Variants in HMX1 observed in about 807,000 individuals in gnomAD.
HMX1 encodes the protein H6 family homeobox 1, also known as homeobox protein HMX1.
In HMX1, 8 loss-of-function variants were observed where a neutral mutation model predicts 8.9. The observed-to-expected ratio is 0.90, with a 90% CI of 0.53 to 1.63. The LOEUF (loss-of-function observed/expected upper bound fraction) is 1.63, where lower values mean the gene tolerates loss of function less well. Ranked by LOEUF, HMX1 falls within the 40% of genes most tolerant of loss-of-function variation. The pLI, the probability that HMX1 is intolerant of heterozygous loss-of-function variation, is 0.00. For synonymous variants in HMX1, 311 were observed against 283.4 expected (o/e 1.10, Z -0.98); for missense variants, 621 against 558.5 (o/e 1.11, Z -1.13).
intron 1 of HMX1, among the ~76,000 whole-genome samples, chr4:8,857,009 AG>A (rs1258636603): frequency 6.6e-6 from 1 of 152,166 alleles, no homozygotes; most frequent in African/African-American, 2.4e-5. Context: ...ACTCGAGCCC[AG>A]GAAATGGAGG....
chr4:8,860,232 A>C (rs1178261571), intron 1 of HMX1, among the ~76,000 whole-genome samples: 1 of 152,024 alleles, frequency 6.6e-6, no homozygotes, highest in African/African-American at 2.4e-5. Flanking sequence ...CCTTTCCTAT[A>C]CCCGGGGCCA....
At chr4:8,860,388 C>T (rs1177565947) in intron 1 of HMX1, among the ~76,000 whole-genome samples, 3 of 152,232 alleles carry the variant, frequency 2.0e-5, no homozygotes, top group East Asian at 3.9e-4. Flanking sequence ...AAGCAATGCA[C>T]CCGCGCTCCC....
In HMX1 at chr4:8,871,468, G is replaced by GTCGTCCTCCTCC; in HGVS notation, c.135_146dup (p.Glu45_Asp48dup). The GTCGTCCTCCTCC allele has an allele frequency of 1.5e-6, 2 of 1,344,252 alleles. No homozygotes were observed. Among genetic ancestry groups the GTCGTCCTCCTCC allele is most frequent in the Non-Finnish European group, 1.9e-6 (2 of 1,038,038 alleles). 83.3% of individuals were successfully genotyped at this position (1,344,252 alleles called of 1,614,324 possible). A position where few individuals can be genotyped will look rare whatever the true frequency, so the allele number is the denominator to read the frequency against. The stretch of plus-strand genomic sequence containing the variant: ...CGGCGTCCTCGTCTTCGGGGTCGTC[G>GTCGTCCTCCTCC]TCGTCCTCCTCCTCGTCCTCCCGGC... On this transcript the variant is annotated inframe_insertion, in exon 1 of 2. Coordinates refer to ENST00000400677, the MANE Select transcript of HMX1 (RefSeq NM_018942.3). This position sits in a 1 kb window ranked among gnomAD's most constrained non-coding sequence, Gnocchi z 4.8.
chr4:8,867,214 G>C lies in HMX1; in HGVS notation c.*479C>G, dbSNP rs947361743. 2.0e-6 allele frequency: 2 copies of C among 985,844 alleles called. No individual in the cohort carries two copies. The highest frequency in any genetic ancestry group is 3.5e-5 in the African/African-American group (2 of 57,396). The allele number at this position is 985,844 out of a possible 1,614,324, so 61.1% of individuals were successfully genotyped here. ...CTTTCTCCACCAGCACCCGCGAGAG[G>C]GGTAGCACAGCCCTCCGGGCCGGCC... On this transcript the variant is annotated 3_prime_UTR_variant, in exon 2 of 2. Transcript: ENST00000400677.
In HMX1 at chr4:8,859,717, A is replaced by T. The variant is rs1177228975; in HGVS notation, c.394+11504T>A. Among the ~76,000 whole-genome samples the T allele has an allele frequency of 2.0e-5, 3 of 152,170 alleles. No individual in the cohort carries two copies. In the East Asian group the frequency reaches 5.8e-4, roughly 29 times the overall value. On this transcript the variant is annotated intron_variant, in intron 1 of 1. Coordinates refer to the HMX1 transcript ENST00000506970. Reference sequence around the variant, plus strand: ...TCTACACACGTGCGTGGTCTATGTGACGTGGAGTCGCACTGGGACCCGAAT... The same window carrying T: ...TCTACACACGTGCGTGGTCTATGTGTCGTGGAGTCGCACTGGGACCCGAAT...
chr4:8,846,138 C>A (rs1721267812), exon 2 of HMX1: 2 of 817,460 alleles, frequency 2.4e-6, no homozygotes, highest in South Asian at 1.6e-5. Flanking sequence ...GAACACTGCT[C>A]CACGCGGTCA....
chr4:8,861,966 G>A (rs987771076), intron 1 of HMX1, among the ~76,000 whole-genome samples: 3 of 152,244 alleles, frequency 2.0e-5, no homozygotes, highest in Admixed American at 6.5e-5. Context: ...GGTGACTCGG[G>A]CTGGGGAGCC....
chr4:8,860,931 A>G (rs1408488133), intron 1 of HMX1: 1 of 142,186 alleles, frequency 7.0e-6, no homozygotes, highest in Non-Finnish European at 1.5e-5. Flanking sequence ...TCCAGACGCC[A>G]GAGAGACGCC....
In HMX1 at chr4:8,853,683, C is replaced by A. The variant is rs1721524116; in HGVS notation, c.395-7359G>T. Among the ~76,000 whole-genome samples, 1 of 152,126 alleles carries A rather than the reference C, an allele frequency of 6.6e-6. No individual in the cohort carries two copies. Among genetic ancestry groups the A allele is most frequent in the Non-Finnish European group, 1.5e-5 (1 of 68,028 alleles). On this transcript the variant is annotated intron_variant, in intron 1 of 1. Coordinates refer to the HMX1 transcript ENST00000506970. The surrounding 1 kb of genome is among the most constrained non-coding windows in gnomAD (Gnocchi z 4.7). ...CCTGACCAATATGATGAAACCCCGT[C>A]TCTACTAAAAATACAGAAATTAGCT...
rs374011388 is a variant in HMX1 at position 8,849,407 on chromosome 4, C to T, written c.395-3083G>A. On this transcript the variant is annotated intron_variant, in intron 1 of 1. Transcript: ENST00000506970. This position sits in a 1 kb window ranked among gnomAD's most constrained non-coding sequence, Gnocchi z 6.6. Reference sequence around the variant, plus strand: ...TGAAGCCAAGGAGAAGGCGGGCACTCAGCTGGCACCACGTGGCCTTGAGCC... The same window carrying T: ...TGAAGCCAAGGAGAAGGCGGGCACTTAGCTGGCACCACGTGGCCTTGAGCC... Among the ~76,000 whole-genome samples the T allele has an allele frequency of 1.4e-4, 22 of 152,000 alleles. No individual in the cohort carries two copies. The highest frequency in any genetic ancestry group is 5.1e-4 in the African/African-American group (21 of 41,466).
At chr4:8,864,298 T>C (rs777787484), downstream of HMX1, among the ~76,000 whole-genome samples, 1 of 152,110 alleles carries the variant, frequency 6.6e-6, no homozygotes, top group Non-Finnish European at 1.5e-5. Context: ...GGGTCCAGTA[T>C]AGGCGTGTGT....
Position 8,871,145 on chromosome 4 carries a change from C to A in HMX1, c.394+76G>T. The A allele has an allele frequency of 7.9e-7, 1 of 1,266,288 alleles. No individual in the cohort carries two copies. Among genetic ancestry groups the A allele is most frequent in the Non-Finnish European group, 1.0e-6 (1 of 996,174 alleles). 78.4% of individuals were successfully genotyped at this position (1,266,288 alleles called of 1,614,324 possible). On this transcript the variant is annotated intron_variant, in intron 1 of 1. Coordinates refer to ENST00000400677, the MANE Select transcript of HMX1 (RefSeq NM_018942.3). The surrounding 1 kb of genome is among the most constrained non-coding windows in gnomAD (Gnocchi z 4.8). ...GGCCCAGAACGGGCGGCGACGAGCC[C>A]GAAGTCCCCCAGCAAATGCGCAGGG... is the stretch of plus-strand genomic sequence containing the variant.
At chr4:8,857,508 G>T (rs902479534) in intron 1 of HMX1, among the ~76,000 whole-genome samples, 1 of 152,138 alleles carries the variant, frequency 6.6e-6, no homozygotes, top group South Asian at 2.1e-4. Context: ...TGGGGCGCGG[G>T]TTCCGGCCCA....
At chr4:8,850,086 G>A (rs1175000109) in intron 1 of HMX1, among the ~76,000 whole-genome samples, 1 of 152,170 alleles carries the variant, frequency 6.6e-6, no homozygotes, top group Non-Finnish European at 1.5e-5. Flanking sequence ...ATAGGCACAC[G>A]GTGAGTCTGT....
In HMX1 at chr4:8,861,371, G is replaced by T. The variant is rs986774809; in HGVS notation, c.394+9850C>A. Among the ~76,000 whole-genome samples, 24 of 152,292 alleles carry T rather than the reference G, an allele frequency of 1.6e-4. 1 individual carries two copies. Among genetic ancestry groups the T allele is most frequent in the African/African-American group, 5.5e-4 (23 of 41,556 alleles). Reference sequence around the variant, plus strand: ...CCGGAGGCCGCGCTTCCCGCGGCCTGTGCCGAGGAGCCTCTCCGCAAAGAA... The same window carrying T: ...CCGGAGGCCGCGCTTCCCGCGGCCTTTGCCGAGGAGCCTCTCCGCAAAGAA... On this transcript the variant is annotated intron_variant, in intron 1 of 1. Coordinates refer to the HMX1 transcript ENST00000506970.
intron 1 of HMX1, among the ~76,000 whole-genome samples, chr4:8,859,457 A>G (rs1403844859): frequency 6.6e-6 from 1 of 152,142 alleles, no homozygotes; most frequent in African/African-American, 2.4e-5. Context: ...ACTCCACAGT[A>G]TGGGGCCCTC....
chr4:8,858,505 G>A (rs1721687926), intron 1 of HMX1, among the ~76,000 whole-genome samples: 1 of 152,194 alleles, frequency 6.6e-6, no homozygotes, highest in African/African-American at 2.4e-5. Context: ...GCGCCTATTT[G>A]AGCTCCTTTG....
intron 1 of HMX1, among the ~76,000 whole-genome samples, chr4:8,852,041 T>G (rs1220840717): frequency 3.3e-5 from 5 of 152,144 alleles, no homozygotes; most frequent in Non-Finnish European, 5.9e-5. Context: ...GACACTGCAG[T>G]GGGAGTGCAA....
exon 2 of HMX1, chr4:8,846,210 G>A (rs1425913097): frequency 6.7e-6 from 10 of 1,491,172 alleles, no homozygotes; most frequent in Non-Finnish European, 9.0e-6. Flanking sequence ...AGTCCCTGCG[G>A]CCTCCTCCGC....
Sources: allele counts gnomAD v4.1 joint callset (sites outside exome capture counted in the v4.1 genomes callset), GRCh38; gene constraint gnomAD v4.1.1; non-coding constraint Gnocchi (gnomAD v3.1); transcripts MANE v1.5; gene names NCBI Gene and HGNC (gene_info 2026-07-23, HGNC 2026-07-21).